The following COL6A1 variants were observed in gnomAD, a reference collection of about 807,000 sequenced individuals.
The protein encoded by COL6A1 is collagen alpha-1(VI) chain.
In COL6A1, 80 loss-of-function variants were observed where a neutral mutation model predicts 145.6. That is an observed-to-expected ratio of 0.55 (90% CI 0.46 to 0.66). The LOEUF is 0.66. Among genes scored for constraint, COL6A1 ranks in the 30% least tolerant of loss-of-function variants. The pLI, the probability that COL6A1 is intolerant of heterozygous loss-of-function variation, is 0.00. For synonymous variants in COL6A1, 638 were observed against 622.8 expected (o/e 1.02, Z -0.36); for missense variants, 1,364 against 1,473.8 (o/e 0.93, Z 1.22).
rs1189386511 is a variant in COL6A1, at chr21:45,992,797, C to G, written c.1322C>G (p.Pro441Arg). 4.4e-6 allele frequency: 7 copies of G among 1,599,496 alleles called. No homozygotes were observed. Among genetic ancestry groups the G allele is most frequent in the Non-Finnish European group, 6.0e-6 (7 of 1,173,736 alleles). ...GPRGTPGTRG[P>R]RGDPGEAGPQ... ...CGGGGGACCCCAGGCACGCGGGGACCAAGAGGAGACCCTGTGAGTCACAGT... is the reference window on the plus strand; with the variant it reads ...CGGGGGACCCCAGGCACGCGGGGACGAAGAGGAGACCCTGTGAGTCACAGT... The change falls in exon 19 of 35, where the codon CCA (proline) becomes CGA (arginine). Residue 441 changes from proline (P) to arginine (R), a missense_variant. By Grantham distance (103) the Pro-to-Arg change is moderately radical. Coordinates refer to ENST00000361866, the MANE Select transcript of COL6A1 (RefSeq NM_001848.3).
At chr21:46,003,331 G>A (rs1368523635) in intron 34 of COL6A1, 60 bp from the exon 35 acceptor site, 31 of 1,600,206 alleles carry the variant, frequency 1.9e-5, no homozygotes, top group Middle Eastern at 1.7e-4. Context: ...CTCTCTGGCC[G>A]GCCCACTGCG....
At chr21:45,987,287 C>T (rs1472746886) in intron 6 of COL6A1, 112 bp downstream of exon 6, 2 of 1,545,528 alleles carry the variant, frequency 1.3e-6, no homozygotes, top group Non-Finnish European at 1.8e-6. Flanking sequence ...GTGCCCGGGA[C>T]ACATGTCCCC....
In COL6A1 at chr21:45,998,060, C is replaced by A. The variant is rs1244338991; in HGVS notation, c.1525-61C>A. 5 of 1,586,520 alleles carry A rather than the reference C, an allele frequency of 3.2e-6. No homozygotes were observed. In the East Asian group the frequency reaches 1.1e-4, roughly 36 times the overall value. The stretch of plus-strand genomic sequence containing the variant: ...GGGTGAGGTGCTCCCGGGCCTGTGC[C>A]AGCCAGTGGGTATCCCAGGCCAGGC... On this transcript the variant is annotated intron_variant, in intron 22 of 34. Transcript: ENST00000361866.
Position 45,992,452 on chromosome 21 carries a change from G to C in COL6A1, c.1272+54G>C, listed in dbSNP as rs962297990. The C allele has an allele frequency of 3.8e-6, 6 of 1,594,168 alleles. No individual in the cohort carries two copies. The South Asian group carries it at 4.5e-5, about 12-fold the overall frequency. ...TTGGCCTCACCATGTAGCTGTGGAC[G>C]TGGCCTCTGCGGCCCAGTCTGGCCC... is the stretch of plus-strand genomic sequence containing the variant. On this transcript the variant is annotated intron_variant, in intron 18 of 34. Coordinates refer to ENST00000361866, the MANE Select transcript of COL6A1 (RefSeq NM_001848.3).
chr21:45,992,196 G>A lies in COL6A1; in HGVS notation c.1215G>A (p.Glu405=), dbSNP rs769000017. 1 of 1,613,846 alleles carries A rather than the reference G, an allele frequency of 6.2e-7. No homozygotes were observed. The highest frequency in any genetic ancestry group is 1.1e-5 in the South Asian group (1 of 91,088). The change falls in exon 17 of 35, where the codon GAG becomes GAA. Residue 405 remains glutamate (E), a synonymous_variant. Transcript: ENST00000361866. ...CGGGAGAGCCTGGGCCCCCCGGAGA[G>A]AAAGGAGAGGCGGGCGACGAGGTGA... The part of the protein sequence containing the change: ...GQPGEPGPPG[E]KGEAGDEGNP...
chr21:45,999,229 G>T lies in COL6A1; in HGVS notation c.1740+11G>T, dbSNP rs748309090. 16 of 1,587,398 alleles carry T rather than the reference G, an allele frequency of 1.0e-5. 2 individuals are homozygous for T. The South Asian group carries it at 1.8e-4, about 18-fold the overall frequency. Reference sequence around the variant, plus strand: ...CCCGAGGGCCCCCAGGTGGGTGGATGTGGCTGGGTGAGGCCACGGTGGGCT... The same window carrying T: ...CCCGAGGGCCCCCAGGTGGGTGGATTTGGCTGGGTGAGGCCACGGTGGGCT... On this transcript the variant is annotated intron_variant, in intron 26 of 34. Coordinates refer to ENST00000361866, the MANE Select transcript of COL6A1 (RefSeq NM_001848.3).
intron 27 of COL6A1, 47 bp from the exon 28 acceptor site, chr21:46,000,284 G>A (rs769637968): frequency 1.2e-6 from 2 of 1,610,386 alleles, no homozygotes; most frequent in Non-Finnish European, 1.7e-6. Context: ...AGTCCCCGCT[G>A]GGAGGGGCTG....
intron 4 of COL6A1, 128 bp downstream of exon 4, chr21:45,986,813 C>A: frequency 6.6e-7 from 1 of 1,517,532 alleles, no homozygotes; most frequent in East Asian, 2.5e-5. Context: ...ACCCTTGCCC[C>A]TGAGAGGCCA....
chr21:46,002,716 C>T lies in COL6A1; in HGVS notation c.2434+6C>T. 6.2e-7 allele frequency: 1 copy of T among 1,611,398 alleles called. No individual in the cohort carries two copies. Among genetic ancestry groups the T allele is most frequent in the South Asian group, 1.1e-5 (1 of 90,770 alleles). ...CACCGCCCAGATCTGCATAGGTGCGCATGGGGCCACCCGGGCAGTCCCAGA... is the reference window on the plus strand; with the variant it reads ...CACCGCCCAGATCTGCATAGGTGCGTATGGGGCCACCCGGGCAGTCCCAGA... On this transcript the variant is annotated splice_donor_region_variant and intron_variant, in intron 33 of 34. Coordinates refer to ENST00000361866, the MANE Select transcript of COL6A1 (RefSeq NM_001848.3).
intron 2 of COL6A1, 31 bp downstream of exon 2, chr21:45,982,794 G>C: frequency 6.2e-7 from 1 of 1,609,118 alleles, no homozygotes; most frequent in Non-Finnish European, 8.5e-7. Flanking sequence ...CCTTCCTCCT[G>C]TGCTTCTGGG....
chr21:45,985,998 G>A (rs904865228), intron 3 of COL6A1, among the ~76,000 whole-genome samples: 11 of 152,302 alleles, frequency 7.2e-5, no homozygotes, highest in Non-Finnish European at 1.5e-4. Flanking sequence ...GATGCTCAGC[G>A]TCCCCAGCAG....
In COL6A1 at chr21:45,989,598, T is replaced by C; in HGVS notation, c.859-10T>C. The C allele has an allele frequency of 6.2e-7, 1 of 1,612,748 alleles. No homozygotes were observed. Among genetic ancestry groups the C allele is most frequent in the Non-Finnish European group, 8.5e-7 (1 of 1,179,910 alleles). On this transcript the variant is annotated splice_polypyrimidine_tract_variant and intron_variant, in intron 9 of 34. Coordinates refer to ENST00000361866, the MANE Select transcript of COL6A1 (RefSeq NM_001848.3). ...CCGGGGGTGTCTCACCATCTCCTCC[T>C]GTGTTCCAGGGAAGACCCGGGGACC...
intron 19 of COL6A1, among the ~76,000 whole-genome samples, chr21:45,993,571 C>T (rs1603592096): frequency 6.6e-6 from 1 of 152,348 alleles, no homozygotes. Flanking sequence ...ACAGGCGGGG[C>T]TCCAGCAGGG....
At chr21:45,990,028 AGCCGGGGGTCCCCCGGGCGGTTACCCTC>A (rs1332270523) in intron 11 of COL6A1, among the ~76,000 whole-genome samples, 11 of 6,170 alleles carry the variant, frequency 1.8e-3, no homozygotes, top group African/African-American at 5.8e-3. Context: ...CCCTCTGCGG[AGCCGGGGGTCCCCCGGGCGGTTACCCTC>A]TGCGGAGCCG....
At chr21:46,002,783 C>T (rs1417662409) in intron 33 of COL6A1, 73 bp downstream of exon 33, 1 of 1,471,374 alleles carries the variant, frequency 6.8e-7, no homozygotes, top group East Asian at 2.4e-5. Context: ...AGTCCCAGAT[C>T]TGCGTAGGTG....
At chr21:45,992,429 G>A in intron 18 of COL6A1, 31 bp downstream of exon 18, 1 of 1,609,522 alleles carries the variant, frequency 6.2e-7, no homozygotes, top group African/African-American at 1.3e-5. Context: ...CTGCGCTGTT[G>A]GCCTCACCAT....
rs769441014 is a variant in COL6A1, at chr21:46,003,800, C to T, written c.2874C>T (p.Ala958=). 16 of 1,608,926 alleles carry T rather than the reference C, an allele frequency of 9.9e-6. No individual in the cohort carries two copies. The highest frequency in any genetic ancestry group is 4.5e-5 in the East Asian group (2 of 44,776). Residue 958 remains alanine (A), a synonymous_variant, in exon 35 of 35, where the codon GCC becomes GCT. Transcript: ENST00000361866. ...QGATPAAIEK[A]VQEAQRAGIE... ...CCACGCCCGCTGCCATCGAGAAGGCCGTGCAGGAAGCCCAGCGGGCAGGCA... is the reference window on the plus strand; with the variant it reads ...CCACGCCCGCTGCCATCGAGAAGGCTGTGCAGGAAGCCCAGCGGGCAGGCA...
chr21:45,985,802 A>G (rs1603589831), intron 3 of COL6A1, among the ~76,000 whole-genome samples: 1 of 152,078 alleles, frequency 6.6e-6, no homozygotes, highest in South Asian at 2.1e-4. Context: ...TCCCTTTCCA[A>G]TGGTTGTGCC....
At chr21:45,999,406 C>T in intron 26 of COL6A1, 188 bp downstream of exon 26, 1 of 747,952 alleles carries the variant, frequency 1.3e-6, no homozygotes, top group South Asian at 1.7e-5. Context: ...GCCAGGGCAG[C>T]AGAGCCGAGC....
Sources: gnomAD v4.1 joint callset for allele counts (sites outside exome capture counted in the v4.1 genomes callset) on GRCh38, gnomAD v4.1.1 for gene constraint, MANE v1.5 for transcripts, NCBI Gene and HGNC (gene_info 2026-07-23, HGNC 2026-07-21) for gene names.